RAD51D: variants seen among roughly 807,000 people sequenced by gnomAD.
RAD51D encodes DNA repair protein RAD51 homolog 4.
A neutral mutation model predicts 44.1 loss-of-function variants in RAD51D; 38 were observed. The ratio of observed to expected loss-of-function variants is 0.86; its 90% CI spans 0.67 to 1.13. The LOEUF (loss-of-function observed/expected upper bound fraction) is 1.13, where lower values mean the gene tolerates loss of function less well. Ranked by LOEUF, RAD51D falls within the 50% of genes most tolerant of loss-of-function variation. RAD51D has a pLI of 0.00. For missense variants in RAD51D, 390 were observed against 414.0 expected, an observed-to-expected ratio of 0.94 and a Z score of 0.50; for synonymous variants, 141 against 166.6, an observed-to-expected ratio of 0.85 and a Z score of 1.18.
chr17:35,106,278 C>A (rs759212559), intron 6 of RAD51D, 108 bp downstream of exon 6: 2 of 910,908 alleles, frequency 2.2e-6, no homozygotes, highest in Non-Finnish European at 1.8e-6. Flanking sequence ...GTTGGAGTCA[C>A]CAGATTGCAC....
At chr17:35,117,305 T>C (rs1414605231) in intron 3 of RAD51D, among the ~76,000 whole-genome samples, 2 of 152,188 alleles carry the variant, frequency 1.3e-5, no homozygotes, top group Non-Finnish European at 2.9e-5. Context: ...CCACACTGCA[T>C]GAACCCTGCC....
At chr17:35,119,408 C>A in intron 1 of RAD51D, 124 bp downstream of exon 1, 6 of 1,177,382 alleles carry the variant, frequency 5.1e-6, no homozygotes, top group South Asian at 2.4e-5. Flanking sequence ...TCTCCAGAAG[C>A]GCGGCCCTCT....
chr17:35,104,867 C>T (rs2142424863), intron 6 of RAD51D: 1 of 147,874 alleles, frequency 6.8e-6, no homozygotes, highest in East Asian at 2.0e-4. Flanking sequence ...CAGGGTCTTG[C>T]TATGCTGCCC....
intron 3 of RAD51D, among the ~76,000 whole-genome samples, chr17:35,116,695 C>T (rs563744816): frequency 4.5e-4 from 69 of 152,186 alleles, no homozygotes; most frequent in African/African-American, 1.6e-3. Flanking sequence ...GGGGTTTTAC[C>T]GTGTTAGCCA....
chr17:35,093,248 G>A lies in RAD51D; in HGVS notation c.*7705C>T, dbSNP rs1031929484. The A allele has an allele frequency of 1.3e-5, 2 of 152,080 alleles. No individual in the cohort carries two copies. The highest frequency in any genetic ancestry group is 2.9e-5 in the Non-Finnish European group (2 of 68,018). The allele number at this position is 152,080 out of a possible 1,614,324, so 9.4% of individuals were successfully genotyped here. A position where few individuals can be genotyped will look rare whatever the true frequency, so the allele number is the denominator to read the frequency against. On this transcript the variant is annotated 3_prime_UTR_variant, in exon 10 of 10. Transcript: ENST00000345365. ...GATATTATTTTTCCCATTTCACGGTGGATGAAACTAAGGCTTAAAGAGACT... is the reference window on the plus strand; with the variant it reads ...GATATTATTTTTCCCATTTCACGGTAGATGAAACTAAGGCTTAAAGAGACT...
intron 6 of RAD51D, among the ~76,000 whole-genome samples, chr17:35,104,656 T>C (rs1402094875): frequency 6.6e-6 from 1 of 152,192 alleles, no homozygotes; most frequent in Non-Finnish European, 1.5e-5. Context: ...AATGCCAGGA[T>C]TACAGGCATG....
chr17:35,095,800 G>GA lies in RAD51D; in HGVS notation c.*5152dup, dbSNP rs983863062. On this transcript the variant is annotated 3_prime_UTR_variant, in exon 10 of 10. Coordinates refer to ENST00000345365, the MANE Select transcript of RAD51D (RefSeq NM_002878.4). ...CAAGAGCAAGACTCCATCTCAAAAAGAAAAAAAAAATTGACCTGAGGAGGC... is the reference window on the plus strand; with the variant it reads ...CAAGAGCAAGACTCCATCTCAAAAAGAAAAAAAAAAATTGACCTGAGGAGGC... 8.0e-4 allele frequency: 119 copies of GA among 149,148 alleles called. No homozygotes were observed. The highest frequency in any genetic ancestry group is 2.2e-3 in the East Asian group (11 of 5,114). The allele number at this position is 149,148 out of a possible 1,614,324, so 9.2% of individuals were successfully genotyped here.
intron 6 of RAD51D, 191 bp downstream of exon 6, chr17:35,106,195 G>A (rs1363523330): frequency 1.4e-6 from 1 of 733,312 alleles, no homozygotes; most frequent in Non-Finnish European, 2.5e-6. Flanking sequence ...GTTCAGCAGG[G>A]AAGATGAACA....
chr17:35,115,413 T>C, intron 3 of RAD51D: 2 of 426,586 alleles, frequency 4.7e-6, no homozygotes, highest in South Asian at 3.3e-5. Flanking sequence ...TATAACACCC[T>C]GTAAGGAATC....
chr17:35,113,687 C>G lies in RAD51D; in HGVS notation c.263+4814G>C, dbSNP rs878994250. ...CTTGAGATAATTGTGCTCACCCCAT[C>G]TCTGTTTAATAAGTATCCAGCCTCT... On this transcript the variant is annotated intron_variant, in intron 3 of 9. Coordinates refer to ENST00000345365, the MANE Select transcript of RAD51D (RefSeq NM_002878.4). 19 of 263,692 alleles carry G rather than the reference C, an allele frequency of 7.2e-5. 1 individual carries two copies. Among genetic ancestry groups the G allele is most frequent in the South Asian group, 5.6e-4 (18 of 31,978 alleles). The allele number at this position is 263,692 out of a possible 1,614,324, so 16.3% of individuals were successfully genotyped here.
intron 3 of RAD51D, among the ~76,000 whole-genome samples, chr17:35,107,981 C>T (rs537997128): frequency 6.6e-6 from 1 of 151,920 alleles, no homozygotes; most frequent in South Asian, 2.1e-4. Flanking sequence ...AACTCCTGAC[C>T]TCAAGCGATC....
At chr17:35,114,566 T>A (rs1282396245) in intron 3 of RAD51D, among the ~76,000 whole-genome samples, 1 of 152,112 alleles carries the variant, frequency 6.6e-6, no homozygotes, top group African/African-American at 2.4e-5. Context: ...GGTGAGCACC[T>A]GTAGTCCCAG....
At chr17:35,116,914 C>G (rs1597874633) in intron 3 of RAD51D, 1 of 1,607,774 alleles carries the variant, frequency 6.2e-7, no homozygotes, top group Non-Finnish European at 8.5e-7. Context: ...GAAAGTCCAT[C>G]TGTTCCTCCA....
rs562933392 is a variant in RAD51D at position 35,102,814 on chromosome 17, C to T, written c.738+440G>A. On this transcript the variant is annotated intron_variant, in intron 8 of 9. Transcript: ENST00000345365. ...AAGCATGCAGACTTTAAAAAAACTACCTCATAAGCAGAAAAAGTTACTTCA... is the reference window on the plus strand; with the variant it reads ...AAGCATGCAGACTTTAAAAAAACTATCTCATAAGCAGAAAAAGTTACTTCA... Among the ~76,000 whole-genome samples the T allele has an allele frequency of 9.9e-5, 15 of 152,112 alleles. No individual in the cohort carries two copies. In the East Asian group the frequency reaches 1.5e-3, roughly 16 times the overall value.
At chr17:35,102,445 T>G (rs988302550) in intron 8 of RAD51D, among the ~76,000 whole-genome samples, 11 of 152,008 alleles carry the variant, frequency 7.2e-5, no homozygotes, top group Non-Finnish European at 1.2e-4. Context: ...CTGGCCTATT[T>G]TTTTTTATTT....
chr17:35,106,313 G>A (rs2091602102), intron 6 of RAD51D, 73 bp downstream of exon 6: 8 of 1,259,574 alleles, frequency 6.4e-6, no homozygotes, highest in Middle Eastern at 1.9e-4. Context: ...ACAGTCTGTA[G>A]TAGGACACCT....
rs961660958 is a variant in RAD51D at position 35,103,679 on chromosome 17, C to A, written c.577-135G>T. On this transcript the variant is annotated intron_variant, in intron 6 of 9. Coordinates refer to ENST00000345365, the MANE Select transcript of RAD51D (RefSeq NM_002878.4). This position sits in a 1 kb window ranked among gnomAD's most constrained non-coding sequence, Gnocchi z 4.1. ...AATACAGCAAGCTGCACGGGCATCACAGAATGTCATCAGCAGCAATGTCTC... is the reference window on the plus strand; with the variant it reads ...AATACAGCAAGCTGCACGGGCATCAAAGAATGTCATCAGCAGCAATGTCTC... 4 of 711,830 alleles carry A rather than the reference C, an allele frequency of 5.6e-6. No homozygotes were observed. Among genetic ancestry groups the A allele is most frequent in the East Asian group, 5.4e-5 (2 of 37,072 alleles). 44.1% of individuals were successfully genotyped at this position (711,830 alleles called of 1,614,324 possible).
chr17:35,106,184 T>C lies in RAD51D; in HGVS notation c.576+202A>G, dbSNP rs28363274. The C allele has an allele frequency of 3.5e-3, 2,500 of 723,382 alleles. 49 individuals are homozygous for C. In the African/African-American group the frequency reaches 0.037, roughly 11 times the overall value. The allele number at this position is 723,382 out of a possible 1,614,324, so 44.8% of individuals were successfully genotyped here. A position where few individuals can be genotyped will look rare whatever the true frequency, so the allele number is the denominator to read the frequency against. Reference sequence around the variant, plus strand: ...GATCCTTCCACTCAGGGGGCTTTACTGTTCAGCAGGGAAGATGAACATGTA... The same window carrying C: ...GATCCTTCCACTCAGGGGGCTTTACCGTTCAGCAGGGAAGATGAACATGTA... On this transcript the variant is annotated intron_variant, in intron 6 of 9. Coordinates refer to ENST00000345365, the MANE Select transcript of RAD51D (RefSeq NM_002878.4).
Position 35,097,461 on chromosome 17 carries a change from ATATATGTG to A in RAD51D, c.*3484_*3491del, listed in dbSNP as rs1567722964. On this transcript the variant is annotated 3_prime_UTR_variant, in exon 10 of 10. Coordinates refer to ENST00000345365, the MANE Select transcript of RAD51D (RefSeq NM_002878.4). ...TGTGTATATATATGTGTGTATATAT[ATATATGTG>A]TGTATATATATGTATATATATGTGT... 8 of 149,600 alleles carry A rather than the reference ATATATGTG, an allele frequency of 5.3e-5. No homozygotes were observed. The South Asian group carries it at 1.3e-3, about 24-fold the overall frequency. 9.3% of individuals were successfully genotyped at this position (149,600 alleles called of 1,614,324 possible).
Sources: allele counts gnomAD v4.1 joint callset (sites outside exome capture counted in the v4.1 genomes callset), GRCh38; gene constraint gnomAD v4.1.1; non-coding constraint Gnocchi (gnomAD v3.1); transcripts MANE v1.5; gene names NCBI Gene and HGNC (gene_info 2026-07-23, HGNC 2026-07-21).